The following MNAT1 variants were observed in gnomAD, a reference collection of about 807,000 sequenced individuals.
MNAT1 encodes the protein MNAT1 component of CDK activating kinase, also known as CDK-activating kinase assembly factor MAT1.
MNAT1 carries 43 observed loss-of-function variants against 42.0 expected under a neutral mutation model. The ratio of observed to expected loss-of-function variants is 1.02; its 90% CI spans 0.80 to 1.32. The LOEUF is 1.32. Ranked by LOEUF, MNAT1 falls within the 40% of genes most tolerant of loss-of-function variation. The probability of loss-of-function intolerance (pLI) is 0.00; values close to 1 mark genes in which losing one functional copy is unlikely to be tolerated. For missense variants in MNAT1, 306 were observed against 350.4 expected (o/e 0.87, Z 1.01); for synonymous variants, 118 against 120.0 (o/e 0.98, Z 0.11).
At chr14:60,918,760 T>A (rs1214215364) in intron 7 of MNAT1, among the ~76,000 whole-genome samples, 10 of 76,458 alleles carry the variant, frequency 1.3e-4, no homozygotes, top group Non-Finnish European at 2.6e-4. Context: ...ATATATATTT[T>A]TGTCCTTAAA....
At chr14:60,912,717 C>G (rs1237129559) in intron 7 of MNAT1, among the ~76,000 whole-genome samples, 1 of 152,168 alleles carries the variant, frequency 6.6e-6, no homozygotes, top group Non-Finnish European at 1.5e-5. Context: ...ATGGGCTTCC[C>G]TTTTTGGGTA....
chr14:60,936,982 C>G (rs10467809), intron 7 of MNAT1, among the ~76,000 whole-genome samples: 57 of 150,402 alleles, frequency 3.8e-4, no homozygotes, highest in African/African-American at 1.4e-3. Flanking sequence ...GCCAGTGATG[C>G]TGAGCATTTT....
chr14:60,849,408 C>T (rs1302317400), intron 6 of MNAT1, among the ~76,000 whole-genome samples: 1 of 152,054 alleles, frequency 6.6e-6, no homozygotes, highest in Non-Finnish European at 1.5e-5. Context: ...ATTTCTGAAT[C>T]CTGATAGTCT....
chr14:60,826,510 G>A (rs1040377334), intron 6 of MNAT1, among the ~76,000 whole-genome samples: 5 of 151,592 alleles, frequency 3.3e-5, no homozygotes, highest in African/African-American at 9.7e-5. Flanking sequence ...CAGTAGAGAC[G>A]GGGTTTCACC....
intron 7 of MNAT1, among the ~76,000 whole-genome samples, chr14:60,890,064 G>A (rs371803736): frequency 2.0e-5 from 3 of 152,136 alleles, no homozygotes; most frequent in Admixed American, 6.6e-5. Flanking sequence ...GGATCTAGAA[G>A]TAGAAATACC....
intron 6 of MNAT1, among the ~76,000 whole-genome samples, chr14:60,873,984 A>T (rs1032893514): frequency 2.0e-5 from 3 of 152,130 alleles, no homozygotes; most frequent in African/African-American, 7.2e-5. Context: ...ATGAATAAGA[A>T]TTTGATTATA....
intron 3 of MNAT1, among the ~76,000 whole-genome samples, chr14:60,800,441 G>A (rs1202286283): frequency 3.3e-5 from 5 of 152,126 alleles, no homozygotes; most frequent in Non-Finnish European, 5.9e-5. Context: ...CTACTTGGGA[G>A]GCTGAGGTGG....
intron 1 of MNAT1, among the ~76,000 whole-genome samples, chr14:60,795,909 A>T (rs1248745642): frequency 6.6e-6 from 1 of 152,172 alleles, no homozygotes; most frequent in African/African-American, 2.4e-5. Flanking sequence ...GTGACCATAC[A>T]GTAGCCTTTT....
At chr14:60,790,136 ATACT>A (rs1322566108) in intron 1 of MNAT1, among the ~76,000 whole-genome samples, 2 of 152,144 alleles carry the variant, frequency 1.3e-5, no homozygotes, top group East Asian at 1.9e-4. Flanking sequence ...CTAGAAATAG[ATACT>A]TAGGATGATT....
In MNAT1 at chr14:60,740,924, C is replaced by T. The variant is rs1896441973; in HGVS notation, c.89+5973C>T. Among the ~76,000 whole-genome samples, 1 of 152,094 alleles carries T rather than the reference C, an allele frequency of 6.6e-6. No homozygotes were observed. Among genetic ancestry groups the T allele is most frequent in the Non-Finnish European group, 1.5e-5 (1 of 68,018 alleles). On this transcript the variant is annotated intron_variant, in intron 1 of 7. Transcript: ENST00000261245. The surrounding 1 kb of genome is among the most constrained non-coding windows in gnomAD (Gnocchi z 4.1). ...GATAGCATTACCAGATCTTCTGTAT[C>T]TTTATTAATTTATTTTATCTACTCA...
intron 1 of MNAT1, among the ~76,000 whole-genome samples, chr14:60,743,029 A>T (rs1896517250): frequency 6.6e-6 from 1 of 152,148 alleles, no homozygotes; most frequent in South Asian, 2.1e-4. Context: ...GAATTATTGG[A>T]TCATATGGTA....
intron 1 of MNAT1, among the ~76,000 whole-genome samples, chr14:60,756,360 C>G (rs1396989794): frequency 6.6e-6 from 1 of 152,132 alleles, no homozygotes; most frequent in Non-Finnish European, 1.5e-5. Flanking sequence ...AAGTTACTGT[C>G]AGATAATGTT....
chr14:60,954,271 T>C (rs111934852), intron 7 of MNAT1, among the ~76,000 whole-genome samples: 10 of 152,304 alleles, frequency 6.6e-5, no homozygotes, highest in African/African-American at 2.4e-4. Context: ...AAAATGTGAT[T>C]AGAATTCAGT....
At chr14:60,862,101 C>T (rs1305144438) in intron 6 of MNAT1, among the ~76,000 whole-genome samples, 3 of 152,108 alleles carry the variant, frequency 2.0e-5, no homozygotes, top group Non-Finnish European at 4.4e-5. Flanking sequence ...TTTTTGTAAC[C>T]TACCGTTTAA....
chr14:60,847,913 A>G (rs926872573), intron 6 of MNAT1, among the ~76,000 whole-genome samples: 10 of 152,086 alleles, frequency 6.6e-5, no homozygotes, highest in African/African-American at 2.2e-4. Flanking sequence ...AAGATTAACC[A>G]TACAGTTTTA....
intron 7 of MNAT1, among the ~76,000 whole-genome samples, chr14:60,940,939 C>G (rs1318980127): frequency 7.2e-5 from 11 of 152,224 alleles, no homozygotes; most frequent in East Asian, 1.9e-4. Flanking sequence ...TATATAGTTT[C>G]TATTGAAATA....
In MNAT1 at chr14:60,872,835, T is replaced by TACACACACACAC. The variant is rs200338598; in HGVS notation, c.688-6855_688-6844dup. Among the ~76,000 whole-genome samples the TACACACACACAC allele has an allele frequency of 2.7e-5, 4 of 146,848 alleles. No individual in the cohort carries two copies. In the East Asian group the frequency reaches 8.0e-4, roughly 29 times the overall value. ...ATTTTGGTATTACATCACACACACA[T>TACACACACACAC]ACACACACACACACACACACACACA... is the stretch of plus-strand genomic sequence containing the variant. On this transcript the variant is annotated intron_variant, in intron 6 of 7. Coordinates refer to ENST00000261245, the MANE Select transcript of MNAT1 (RefSeq NM_002431.4).
intron 1 of MNAT1, among the ~76,000 whole-genome samples, chr14:60,742,488 T>G (rs540174992): frequency 1.4e-4 from 22 of 152,346 alleles, no homozygotes; most frequent in African/African-American, 5.3e-4. Flanking sequence ...GTCAGTTGTC[T>G]TTAAGGAAAG....
At chr14:60,743,455 A>G (rs1594715637) in intron 1 of MNAT1, among the ~76,000 whole-genome samples, 1 of 151,926 alleles carries the variant, frequency 6.6e-6, no homozygotes. Flanking sequence ...TGCCCGGCTA[A>G]TTTTTGTATT....
Sources: gnomAD v4.1 joint callset for allele counts (sites outside exome capture counted in the v4.1 genomes callset) on GRCh38, gnomAD v4.1.1 for gene constraint, Gnocchi (gnomAD v3.1) non-coding constraint, MANE v1.5 for transcripts, NCBI Gene and HGNC (gene_info 2026-07-23, HGNC 2026-07-21) for gene names.